Variants in SVEP1 observed in about 807,000 individuals in gnomAD.
SVEP1 encodes the protein sushi, von Willebrand factor type A, EGF and pentraxin domain-containing protein 1.
In SVEP1, 164 loss-of-function variants were observed where a neutral mutation model predicts 367.3. The ratio of observed to expected loss-of-function variants is 0.45; its 90% CI spans 0.39 to 0.51. SVEP1 has a LOEUF of 0.51. SVEP1 is among the 20% of genes least tolerant of loss of function. SVEP1 has a pLI of 0.00. For missense variants in SVEP1, 4,117 were observed against 4,425.3 expected (o/e 0.93, Z 1.98); for synonymous variants, 1,666 against 1,611.6 (o/e 1.03, Z -0.81).
At chr9:110,479,574 C>A in intron 13 of SVEP1, 61 bp downstream of exon 13, 1 of 1,518,896 alleles carries the variant, frequency 6.6e-7, no homozygotes, top group Admixed American at 2.3e-5. Context: ...TTGTAAATGA[C>A]TCAGAAAGGT....
intron 18 of SVEP1, among the ~76,000 whole-genome samples, chr9:110,464,479 T>G (rs552275649): frequency 6.6e-6 from 1 of 152,318 alleles, no homozygotes; most frequent in Non-Finnish European, 1.5e-5. Flanking sequence ...GGACTACAAC[T>G]TCCAAGATGC....
chr9:110,546,212 G>A lies in SVEP1; in HGVS notation c.867C>T (p.Asp289=), dbSNP rs778182335. ...TCCCACATTTGCAGCTTCCCATTCG[G>A]TCACAGCAGTCCTTGCCTTCATCAC... ...YLCDEGKDCC[D]RMGSCKCGTH... The change falls in exon 3 of 48, where the codon GAC becomes GAT. Residue 289 remains aspartate (D), a synonymous_variant. Coordinates refer to ENST00000374469, the MANE Select transcript of SVEP1 (RefSeq NM_153366.4). The A allele has an allele frequency of 4.4e-6, 7 of 1,581,324 alleles. No homozygotes were observed. The South Asian group carries it at 4.7e-5, about 11-fold the overall frequency.
chr9:110,389,631 A>T, intron 40 of SVEP1, 44 bp from the exon 41 acceptor site: 1 of 1,603,936 alleles, frequency 6.2e-7, no homozygotes, highest in South Asian at 1.1e-5. Context: ...TAACTCTACA[A>T]TAGAAAGATA....
At chr9:110,432,254 A>C in intron 31 of SVEP1, among the ~76,000 whole-genome samples, 1 of 152,216 alleles carries the variant, frequency 6.6e-6, no homozygotes, top group Admixed American at 6.5e-5. Context: ...GGGATATATA[A>C]ATATAGTCTT....
rs549110367 is a variant in SVEP1, at chr9:110,453,238, G to A, written c.3788-1836C>T. ...ATAATGATGAGTTAGGTACAATGCT[G>A]GATGATTTAGATGATCTCAGTACTC... is the stretch of plus-strand genomic sequence containing the variant. On this transcript the variant is annotated intron_variant, in intron 22 of 47. Transcript: ENST00000374469. 1.2e-3 allele frequency among the ~76,000 whole-genome samples: 190 copies of A among 152,058 alleles called. 2 individuals are homozygous for A. Among genetic ancestry groups the A allele is most frequent in the Middle Eastern group, 6.8e-3 (2 of 294 alleles).
intron 15 of SVEP1, 116 bp from the exon 16 acceptor site, chr9:110,471,713 C>G: frequency 1.4e-6 from 1 of 717,090 alleles, no homozygotes; most frequent in Non-Finnish European, 2.2e-6. Context: ...AATAAGTGGT[C>G]TATAGAAAAA....
intron 3 of SVEP1, among the ~76,000 whole-genome samples, chr9:110,541,587 A>G (rs1448582969): frequency 1.3e-5 from 2 of 151,988 alleles, no homozygotes; most frequent in African/African-American, 2.4e-5. Context: ...TAGCTTTCTC[A>G]TGACAATTAT....
At chr9:110,403,212 T>G (rs1263574115) in intron 39 of SVEP1, among the ~76,000 whole-genome samples, 1 of 150,890 alleles carries the variant, frequency 6.6e-6, no homozygotes, top group Non-Finnish European at 1.5e-5. Context: ...TTTCTTCTCC[T>G]GGTATATCTT....
Position 110,478,939 on chromosome 9 carries a change from A to T in SVEP1, c.2487+696T>A, listed in dbSNP as rs1298890085. 2.0e-5 allele frequency among the ~76,000 whole-genome samples: 3 copies of T among 146,368 alleles called. No individual in the cohort carries two copies. The East Asian group carries it at 5.9e-4, about 29-fold the overall frequency. ...TTTCTTTCTTCTTCTTTTTTTTTTT[A>T]GACGGAGTCTTTCTCTGTTGCCCAG... On this transcript the variant is annotated intron_variant, in intron 13 of 47. Transcript: ENST00000374469.
At position 110,579,589 on chromosome 9, in the gene SVEP1, G is replaced by A. The variant is rs562735206; in HGVS notation, c.-46C>T. 5.9e-6 allele frequency: 9 copies of A among 1,513,960 alleles called. No homozygotes were observed. Among genetic ancestry groups the A allele is most frequent in the South Asian group, 1.3e-5 (1 of 78,820 alleles). 93.8% of individuals were successfully genotyped at this position (1,513,960 alleles called of 1,614,324 possible). ...TGCCCCGGAGCGCAGGCGGCGGCTC[G>A]GGCGGGAAGAGGCGCTGGGCGGCCG... On this transcript the variant is annotated 5_prime_UTR_variant, in exon 1 of 48. Transcript: ENST00000374469. This position sits in a 1 kb window ranked among gnomAD's most constrained non-coding sequence, Gnocchi z 5.3.
intron 40 of SVEP1, among the ~76,000 whole-genome samples, chr9:110,399,253 C>A (rs1029991336): frequency 6.6e-5 from 10 of 151,440 alleles, no homozygotes; most frequent in African/African-American, 2.4e-4. Flanking sequence ...GGATAAAAAA[C>A]CAAACACTGC....
At chr9:110,453,744 C>G (rs1828734530) in intron 22 of SVEP1, among the ~76,000 whole-genome samples, 1 of 151,978 alleles carries the variant, frequency 6.6e-6, no homozygotes, top group African/African-American at 2.4e-5. Flanking sequence ...TGGCATGCGC[C>G]TGTAGTCTCA....
At chr9:110,367,159 A>T (rs1372529911) in intron 47 of SVEP1, among the ~76,000 whole-genome samples, 1 of 152,188 alleles carries the variant, frequency 6.6e-6, no homozygotes, top group Non-Finnish European at 1.5e-5. Context: ...ACAAGGCACT[A>T]GGCATATATA....
At chr9:110,406,112 T>G (rs961712199) in intron 38 of SVEP1, 48 bp downstream of exon 38, 1 of 1,505,894 alleles carries the variant, frequency 6.6e-7, no homozygotes, top group Non-Finnish European at 8.9e-7. Context: ...ACATTTCATT[T>G]CATAATCCTG....
intron 46 of SVEP1, among the ~76,000 whole-genome samples, chr9:110,371,687 T>C (rs1564121064): frequency 1.3e-5 from 2 of 152,206 alleles, no homozygotes; most frequent in Non-Finnish European, 2.9e-5. Context: ...TCCACTCCAG[T>C]GCCCAAGCTG....
chr9:110,366,761 T>G (rs906393822), intron 47 of SVEP1, among the ~76,000 whole-genome samples: 6 of 152,212 alleles, frequency 3.9e-5, no homozygotes, highest in Admixed American at 2.0e-4. Flanking sequence ...TGGAAAGATC[T>G]GAGAAGCATC....
Position 110,446,977 on chromosome 9 carries a change from T to C in SVEP1, c.4184A>G (p.Gln1395Arg). The C allele has an allele frequency of 1.9e-6, 3 of 1,547,388 alleles. No individual in the cohort carries two copies. The highest frequency in any genetic ancestry group is 2.6e-6 in the Non-Finnish European group (3 of 1,145,498). The change falls in exon 25 of 48, where the codon CAG becomes CGG. Residue 1395 changes from glutamine (Q) to arginine (R), a missense_variant. This residue lies in a region of SVEP1 where 2,174 missense variants were observed against 2,494.3 expected (regional missense o/e 0.87). Coordinates refer to ENST00000374469, the MANE Select transcript of SVEP1 (RefSeq NM_153366.4). ...ATTTAATTCATCCACACAGGTGGCC[T>C]GATTTCTACATGGATTAGACTGACA... ...NECQSNPCRN[Q>R]ATCVDELNSY...
rs558818045 is a variant in SVEP1, at chr9:110,390,078, C to A, written c.9823-491G>T. Among the ~76,000 whole-genome samples the A allele has an allele frequency of 2.3e-3, 228 of 97,120 alleles. 1 individual carries two copies. The highest frequency in any genetic ancestry group is 7.0e-3 in the Middle Eastern group (1 of 142). The allele number at this position is 97,120 out of a possible 152,430, so 63.7% of individuals were successfully genotyped here. On this transcript the variant is annotated intron_variant, in intron 40 of 47. Transcript: ENST00000374469. ...GTATATATATAAGTATATATATATA[C>A]GTGTATATATACACATACATACTTA...
At chr9:110,495,481 C>A (rs1337916108) in intron 8 of SVEP1, among the ~76,000 whole-genome samples, 1 of 152,136 alleles carries the variant, frequency 6.6e-6, no homozygotes, top group African/African-American at 2.4e-5. Flanking sequence ...AACACACAAA[C>A]CACCTAAAGT....
Sources: gnomAD v4.1 joint callset for allele counts (sites outside exome capture counted in the v4.1 genomes callset) on GRCh38, gnomAD v4.1.1 for gene constraint, gnomAD v4.1.1 regional missense constraint, Gnocchi (gnomAD v3.1) non-coding constraint, MANE v1.5 for transcripts, NCBI Gene and HGNC (gene_info 2026-07-23, HGNC 2026-07-21) for gene names.